Variants in CSMD1 observed in about 807,000 individuals in gnomAD.
CSMD1 encodes the protein CUB and sushi domain-containing protein 1.
In CSMD1, 213 loss-of-function variants were observed where a neutral mutation model predicts 417.5. That is an observed-to-expected ratio of 0.51 (90% CI 0.46 to 0.57). The LOEUF is 0.57. Ranked by LOEUF, CSMD1 falls within the 20% of genes least tolerant of loss-of-function variation. CSMD1 has a pLI of 0.00. For synonymous variants in CSMD1, 2,862 were observed against 1,736.8 expected, an observed-to-expected ratio of 1.65 and a Z score of -16.11; for missense variants, 6,923 against 4,529.7, an observed-to-expected ratio of 1.53 and a Z score of -15.17.
intron 1 of CSMD1, among the ~76,000 whole-genome samples, chr8:4,907,249 GAATA>G (rs1194315626): frequency 6.6e-6 from 1 of 152,082 alleles, no homozygotes; most frequent in Non-Finnish European, 1.5e-5. Context: ...CTACTTTTAA[GAATA>G]AATTATTCTC....
intron 23 of CSMD1, among the ~76,000 whole-genome samples, chr8:3,341,806 TC>T (rs1288098243): frequency 6.6e-6 from 1 of 152,216 alleles, no homozygotes; most frequent in Non-Finnish European, 1.5e-5. Flanking sequence ...AAACAGTTTT[TC>T]TTCTCAAGTA....
At chr8:4,011,966 C>G (rs775502461) in intron 4 of CSMD1, among the ~76,000 whole-genome samples, 1 of 151,694 alleles carries the variant, frequency 6.6e-6, no homozygotes, top group Admixed American at 6.6e-5. Context: ...ATTTATAATA[C>G]CAAATATAAA....
chr8:3,629,699 A>G (rs900710041), intron 7 of CSMD1, among the ~76,000 whole-genome samples: 2 of 151,330 alleles, frequency 1.3e-5, no homozygotes, highest in African/African-American at 2.4e-5. Context: ...AGAAAAGACC[A>G]CATGATCGGC....
intron 3 of CSMD1, among the ~76,000 whole-genome samples, chr8:4,410,369 T>A (rs1280592213): frequency 6.6e-6 from 1 of 152,170 alleles, no homozygotes; most frequent in Non-Finnish European, 1.5e-5. Flanking sequence ...AACCCACACC[T>A]CAGAATTCAT....
intron 6 of CSMD1, among the ~76,000 whole-genome samples, chr8:3,728,071 G>C (rs1368579014): frequency 2.0e-5 from 3 of 152,178 alleles, no homozygotes; most frequent in Admixed American, 1.3e-4. Flanking sequence ...GGCTATGACA[G>C]TGTCCGCACC....
At chr8:3,170,122 T>C (rs1346645745) in intron 37 of CSMD1, among the ~76,000 whole-genome samples, 1 of 152,268 alleles carries the variant, frequency 6.6e-6, no homozygotes, top group Non-Finnish European at 1.5e-5. Flanking sequence ...GAAGCACCCT[T>C]CTGCGCAAAA....
intron 2 of CSMD1, among the ~76,000 whole-genome samples, chr8:4,607,343 G>A (rs772306105): frequency 2.0e-5 from 3 of 152,138 alleles, no homozygotes; most frequent in African/African-American, 7.2e-5. Flanking sequence ...GAGTGCGGGG[G>A]ACGGGCTATT....
chr8:4,224,075 T>C (rs1027208284), intron 3 of CSMD1, among the ~76,000 whole-genome samples: 2 of 152,142 alleles, frequency 1.3e-5, no homozygotes, highest in Admixed American at 6.5e-5. Context: ...GGCTAAAGGC[T>C]GATGGAACTG....
chr8:3,326,052 G>C (rs1806509180), intron 23 of CSMD1, among the ~76,000 whole-genome samples: 1 of 152,266 alleles, frequency 6.6e-6, no homozygotes, highest in Non-Finnish European at 1.5e-5. Context: ...GGTCACCCGG[G>C]TGATCACAGA....
chr8:3,455,665 C>G (rs1186172186), intron 12 of CSMD1, among the ~76,000 whole-genome samples: 1 of 152,222 alleles, frequency 6.6e-6, no homozygotes, highest in Non-Finnish European at 1.5e-5. Context: ...CTGATCCTTC[C>G]TCTGGAAATT....
chr8:4,181,210 G>A (rs1024445234), intron 3 of CSMD1, among the ~76,000 whole-genome samples: 17 of 152,170 alleles, frequency 1.1e-4, no homozygotes, highest in African/African-American at 2.2e-4. Flanking sequence ...ATATAGCACC[G>A]ATGATTTAAA....
At chr8:4,140,182 G>A (rs76569391) in intron 3 of CSMD1, among the ~76,000 whole-genome samples, 43,801 of 148,662 alleles carry the variant, frequency 0.29, 8,446 homozygotes, top group Non-Finnish European at 0.38. Context: ...GCAAAAACCC[G>A]TATCTAAAAC....
Position 4,553,930 on chromosome 8 carries a change from A to C in CSMD1, c.302+83412T>G, listed in dbSNP as rs528517279. 8.2e-4 allele frequency among the ~76,000 whole-genome samples: 125 copies of C among 152,240 alleles called. 1 individual carries two copies. Among genetic ancestry groups the C allele is most frequent in the African/African-American group, 2.9e-3 (119 of 41,548 alleles). On this transcript the variant is annotated intron_variant, in intron 2 of 69. Transcript: ENST00000635120. ...CTGATGACTGGTTCAGCTGGAATTGACCTCAATGTGAAGGAGTCCATTTAG... is the reference window on the plus strand; with the variant it reads ...CTGATGACTGGTTCAGCTGGAATTGCCCTCAATGTGAAGGAGTCCATTTAG...
rs943041102 is a variant in CSMD1 at position 4,614,909 on chromosome 8, C to A, written c.302+22433G>T. On this transcript the variant is annotated intron_variant, in intron 2 of 69. Transcript: ENST00000635120. ...TTTCTCTAGAGTAAAAAATTGTTCA[C>A]CAATCTCAGATAATTTTCAAATATG... 5.9e-5 allele frequency among the ~76,000 whole-genome samples: 9 copies of A among 152,154 alleles called. No individual in the cohort carries two copies. The East Asian group carries it at 1.7e-3, about 29-fold the overall frequency.
chr8:4,961,952 A>G (rs1182522811), intron 1 of CSMD1, among the ~76,000 whole-genome samples: 1 of 152,024 alleles, frequency 6.6e-6, no homozygotes, highest in Admixed American at 6.6e-5. Context: ...TATTGTCTGC[A>G]GATATTTCTT....
chr8:4,322,450 G>T (rs1799324403), intron 3 of CSMD1, among the ~76,000 whole-genome samples: 1 of 152,112 alleles, frequency 6.6e-6, no homozygotes, highest in Non-Finnish European at 1.5e-5. Flanking sequence ...ATAAGAGTAG[G>T]AAAAACCCAT....
chr8:3,931,326 T>C (rs1208934329), intron 5 of CSMD1, among the ~76,000 whole-genome samples: 2 of 150,456 alleles, frequency 1.3e-5, no homozygotes, highest in African/African-American at 4.9e-5. Context: ...GAACTAGAAG[T>C]CAGCAGAAAA....
At chr8:3,945,094 G>A (rs537434815) in intron 5 of CSMD1, among the ~76,000 whole-genome samples, 2 of 148,878 alleles carry the variant, frequency 1.3e-5, no homozygotes, top group African/African-American at 2.5e-5. Context: ...TGAACAGGCT[G>A]ACCCCAGATA....
At chr8:4,743,593 C>G (rs1456094830) in intron 1 of CSMD1, among the ~76,000 whole-genome samples, 1 of 152,074 alleles carries the variant, frequency 6.6e-6, no homozygotes, top group African/African-American at 2.4e-5. Context: ...TTGGGTCATT[C>G]CCTGGATAGT....
Sources: gnomAD v4.1 joint callset for allele counts (sites outside exome capture counted in the v4.1 genomes callset) on GRCh38, gnomAD v4.1.1 for gene constraint, MANE v1.5 for transcripts, NCBI Gene and HGNC (gene_info 2026-07-23, HGNC 2026-07-21) for gene names.